CACNA2D1: variants seen among roughly 807,000 people sequenced by gnomAD.
The protein encoded by CACNA2D1 is voltage-dependent calcium channel subunit alpha-2/delta-1.
A neutral mutation model predicts 171.5 loss-of-function variants in CACNA2D1; 53 were observed. The ratio of observed to expected loss-of-function variants is 0.31; its 90% CI spans 0.25 to 0.39. CACNA2D1 has a LOEUF of 0.39. Among genes scored for constraint, CACNA2D1 ranks in the 10% least tolerant of loss-of-function variants. The pLI, the probability that CACNA2D1 is intolerant of heterozygous loss-of-function variation, is 1.00. For missense variants in CACNA2D1, 903 were observed against 1,299.8 expected (o/e 0.69, Z 4.69); for synonymous variants, 442 against 443.1 (o/e 1.00, Z 0.03).
At chr7:82,021,656 C>T (rs1191656626) in intron 12 of CACNA2D1, among the ~76,000 whole-genome samples, 3 of 151,706 alleles carry the variant, frequency 2.0e-5, no homozygotes, top group South Asian at 2.1e-4. Flanking sequence ...ACAACTACTT[C>T]GTGGAGTTTA....
At chr7:82,004,559 G>T (rs1388261312) in intron 18 of CACNA2D1, among the ~76,000 whole-genome samples, 1 of 151,964 alleles carries the variant, frequency 6.6e-6, no homozygotes, top group Non-Finnish European at 1.5e-5. Flanking sequence ...TTTTGTGTGA[G>T]TATGTTCACA....
Position 82,354,722 on chromosome 7 carries a change from C to G in CACNA2D1, c.96-5073G>C, listed in dbSNP as rs144487828. On this transcript the variant is annotated intron_variant, in intron 1 of 38. Coordinates refer to ENST00000356860, the MANE Select transcript of CACNA2D1 (RefSeq NM_000722.4). ...TATACCGGAGGTCATCAGTTTCCAC[C>G]GGTACTAGTCAGTATGGCTATGTGA... Among the ~76,000 whole-genome samples, 3 of 151,992 alleles carry G rather than the reference C, an allele frequency of 2.0e-5. No individual in the cohort carries two copies. In the South Asian group the frequency reaches 6.2e-4, roughly 31 times the overall value.
At chr7:82,169,784 A>G (rs938318437) in intron 4 of CACNA2D1, among the ~76,000 whole-genome samples, 5 of 151,946 alleles carry the variant, frequency 3.3e-5, no homozygotes, top group Non-Finnish European at 7.4e-5. Context: ...AGAAATTATA[A>G]AGATTTTCTT....
chr7:82,138,426 G>GTTTTTTTTTTTTTTTT lies in CACNA2D1; in HGVS notation c.355-1751_355-1750insAAAAAAAAAAAAAAAA, dbSNP rs1159205363. 3.0e-5 allele frequency among the ~76,000 whole-genome samples: 3 copies of GTTTTTTTTTTTTTTTT among 101,314 alleles called. 1 individual carries two copies. The allele number at this position is 101,314 out of a possible 152,430, so 66.5% of individuals were successfully genotyped here. Reference sequence around the variant, plus strand: ...TCCTGAAACATTTCTTATAGCATTAGTTTTGTTTTTTTTGTTTTTTTTGTT... The same window carrying GTTTTTTTTTTTTTTTT: ...TCCTGAAACATTTCTTATAGCATTAGTTTTTTTTTTTTTTTTTTTTGTTTTTTTTGTTTTTTTTGTT... On this transcript the variant is annotated intron_variant, in intron 4 of 38. Coordinates refer to ENST00000356860, the MANE Select transcript of CACNA2D1 (RefSeq NM_000722.4).
At chr7:82,027,307 C>T (rs1039405038) in intron 12 of CACNA2D1, among the ~76,000 whole-genome samples, 7 of 151,564 alleles carry the variant, frequency 4.6e-5, no homozygotes, top group South Asian at 2.1e-4. Context: ...CCAAGATGAA[C>T]GTTTTATTCA....
intron 6 of CACNA2D1, among the ~76,000 whole-genome samples, chr7:82,092,931 C>T (rs258653): frequency 0.74 from 111,560 of 151,736 alleles, 41,452 homozygotes; most frequent in Middle Eastern, 0.88. Flanking sequence ...GAAATGAAGC[C>T]GGAAGCCATA....
chr7:82,014,190 A>G (rs979565072), intron 13 of CACNA2D1, among the ~76,000 whole-genome samples: 1 of 152,128 alleles, frequency 6.6e-6, no homozygotes, highest in African/African-American at 2.4e-5. Flanking sequence ...TGAATGTGGA[A>G]ATATAATCAG....
At chr7:82,258,987 C>A (rs185705347) in intron 3 of CACNA2D1, among the ~76,000 whole-genome samples, 49 of 152,022 alleles carry the variant, frequency 3.2e-4, no homozygotes, top group Admixed American at 1.0e-3. Context: ...CGCCACCATG[C>A]CTGACTAATT....
intron 6 of CACNA2D1, among the ~76,000 whole-genome samples, chr7:82,085,973 T>C (rs1470805627): frequency 6.6e-6 from 1 of 152,138 alleles, no homozygotes; most frequent in Non-Finnish European, 1.5e-5. Flanking sequence ...CCTAATATAA[T>C]TTTCCCTTTA....
intron 3 of CACNA2D1, among the ~76,000 whole-genome samples, chr7:82,309,059 T>C (rs1371641174): frequency 6.6e-6 from 1 of 152,206 alleles, no homozygotes; most frequent in Non-Finnish European, 1.5e-5. Flanking sequence ...TATGTATATG[T>C]GATATTTCTA....
intron 3 of CACNA2D1, among the ~76,000 whole-genome samples, chr7:82,306,570 G>C (rs964342453): frequency 3.3e-5 from 5 of 152,298 alleles, no homozygotes; most frequent in Admixed American, 6.5e-5. Flanking sequence ...ACAAATTTCT[G>C]AGAGACTGGA....
intron 3 of CACNA2D1, among the ~76,000 whole-genome samples, chr7:82,256,666 C>T (rs1198902642): frequency 1.3e-5 from 2 of 152,058 alleles, no homozygotes; most frequent in Non-Finnish European, 2.9e-5. Context: ...TTACTAATGA[C>T]TTTATTGTCT....
At chr7:82,324,250 C>T (rs1236297265) in intron 3 of CACNA2D1, among the ~76,000 whole-genome samples, 1 of 151,194 alleles carries the variant, frequency 6.6e-6, no homozygotes, top group African/African-American at 2.4e-5. Context: ...CCCAGCTACT[C>T]GGGAGGCTGA....
intron 21 of CACNA2D1, among the ~76,000 whole-genome samples, chr7:81,987,249 T>C (rs1374989667): frequency 6.6e-6 from 1 of 152,206 alleles, no homozygotes; most frequent in Non-Finnish European, 1.5e-5. Context: ...AAGATCTTTA[T>C]CAACATTCCT....
chr7:81,952,720 TTCTTCTTCCTTTAC>T (rs1792749749), intron 38 of CACNA2D1, among the ~76,000 whole-genome samples: 1 of 152,128 alleles, frequency 6.6e-6, no homozygotes, highest in South Asian at 2.1e-4. Flanking sequence ...CTCTCCTTTC[TTCTTCTTCCTTTAC>T]ACTTTGTTCC....
intron 10 of CACNA2D1, 81 bp downstream of exon 10, chr7:82,060,347 T>C (rs748633404): frequency 4.4e-6 from 4 of 910,096 alleles, no homozygotes; most frequent in Non-Finnish European, 5.3e-6. Context: ...CTCTATAAGA[T>C]AAAAGTATAA....
At chr7:81,998,655 AT>A (rs978343218) in intron 18 of CACNA2D1, among the ~76,000 whole-genome samples, 4 of 152,062 alleles carry the variant, frequency 2.6e-5, no homozygotes, top group African/African-American at 9.7e-5. Flanking sequence ...ATTGAAAAAA[AT>A]ATTCACTGCT....
chr7:81,950,483 A>G lies in CACNA2D1; in HGVS notation c.3185T>C (p.Val1062Ala). 1.2e-6 allele frequency: 2 copies of G among 1,613,118 alleles called. No homozygotes were observed. Among genetic ancestry groups the G allele is most frequent in the Non-Finnish European group, 1.7e-6 (2 of 1,179,544 alleles). ...CCACAGGGAGGGATTTAATCCAGAA[A>G]CACCACCACAGTCAGTATAATCCTC... ...VLEDYTDCGG[V>A]SGLNPSLWYI... Residue 1062 changes from valine (V) to alanine (A), a missense_variant, in exon 39 of 39, where the codon GTT becomes GCT. Val to Ala is a moderately conservative substitution (Grantham distance 64). Transcript: ENST00000356860.
intron 18 of CACNA2D1, among the ~76,000 whole-genome samples, chr7:82,002,557 G>C (rs1463105220): frequency 6.6e-6 from 1 of 152,152 alleles, no homozygotes; most frequent in Non-Finnish European, 1.5e-5. Context: ...AACCATAACA[G>C]TGTAGATTTA....
Sources: gnomAD v4.1 joint callset for allele counts (sites outside exome capture counted in the v4.1 genomes callset) on GRCh38, gnomAD v4.1.1 for gene constraint, MANE v1.5 for transcripts, NCBI Gene and HGNC (gene_info 2026-07-23, HGNC 2026-07-21) for gene names.